Variants in TSPAN7 observed in about 807,000 individuals in gnomAD.
The protein encoded by TSPAN7 is tetraspanin-7.
In TSPAN7, 1 loss-of-function variant was observed where a neutral mutation model predicts 17.6. The observed-to-expected ratio is 0.06, with a 90% CI of 0.02 to 0.27. TSPAN7 has a LOEUF of 0.27. TSPAN7 is among the 10% of genes least tolerant of loss of function. TSPAN7 has a pLI of 1.00. For synonymous variants in TSPAN7, 78 were observed against 79.0 expected (o/e 0.99, Z 0.07); for missense variants, 112 against 201.7 (o/e 0.56, Z 2.69).
At chrX:38,573,266 C>T (rs969015239) in intron 1 of TSPAN7, among the ~76,000 whole-genome samples, 1 of 111,065 alleles carries the variant, frequency 9.0e-6, no homozygotes, top group Non-Finnish European at 1.9e-5. Context: ...TAGTTTGCTA[C>T]CAAAGAGAGC....
chrX:38,663,176 C>G (rs764833840), intron 1 of TSPAN7, among the ~76,000 whole-genome samples: 129 of 106,873 alleles, frequency 1.2e-3, no homozygotes, highest in African/African-American at 4.5e-3. Context: ...CACACACACA[C>G]ACACAGACAC....
chrX:38,567,534 TG>T (rs2069149560), intron 1 of TSPAN7, among the ~76,000 whole-genome samples: 4 of 112,238 alleles, frequency 3.6e-5, no homozygotes. Flanking sequence ...GAGATTTGAG[TG>T]GGGACACAGC....
At chrX:38,571,213 A>T (rs2069167963) in intron 1 of TSPAN7, among the ~76,000 whole-genome samples, 1 of 111,237 alleles carries the variant, frequency 9.0e-6, no homozygotes, top group African/African-American at 3.3e-5. Flanking sequence ...GGATGATGAG[A>T]TGAGTCAGAC....
In TSPAN7 at chrX:38,655,942, G is replaced by A. The variant is rs891676489; in HGVS notation, c.82-10179G>A. ...TTCAACATAATTATGAGAAAGAAGT[G>A]TGCCACTGTCAGATTGGCATTTATG... is the stretch of plus-strand genomic sequence containing the variant. On this transcript the variant is annotated intron_variant, in intron 1 of 7. Transcript: ENST00000378482. 4.4e-4 allele frequency: 136 copies of A among 307,289 alleles called. No homozygotes were observed. The Admixed American group carries it at 4.5e-3, about 10-fold the overall frequency. 25.3% of individuals were successfully genotyped at this position (307,289 alleles called of 1,213,427 possible).
chrX:38,637,662 C>T (rs888725863), intron 1 of TSPAN7, among the ~76,000 whole-genome samples: 1 of 112,091 alleles, frequency 8.9e-6, no homozygotes, highest in Non-Finnish European at 1.9e-5. Context: ...AGTTTGCCAA[C>T]GTGGATGGCT....
chrX:38,623,323 A>G (rs1379185463), intron 1 of TSPAN7, among the ~76,000 whole-genome samples: 27 of 111,523 alleles, frequency 2.4e-4, no homozygotes, highest in Non-Finnish European at 1.1e-4. Context: ...CTCAGCTTCC[A>G]TTCCTCCCAA....
At chrX:38,641,343 A>T (rs1394386168) in intron 1 of TSPAN7, among the ~76,000 whole-genome samples, 1 of 112,269 alleles carries the variant, frequency 8.9e-6, no homozygotes, top group African/African-American at 3.2e-5. Flanking sequence ...TCCCTTGGGA[A>T]GGCATGTATG....
At chrX:38,659,173 A>G (rs1038665958) in intron 1 of TSPAN7, among the ~76,000 whole-genome samples, 2 of 111,673 alleles carry the variant, frequency 1.8e-5, no homozygotes, top group African/African-American at 6.5e-5. Context: ...TAAAAAGTAA[A>G]GCTTTTGTTA....
At chrX:38,575,993 C>T (rs981433759) in intron 1 of TSPAN7, among the ~76,000 whole-genome samples, 2 of 112,135 alleles carry the variant, frequency 1.8e-5, no homozygotes, top group Non-Finnish European at 1.9e-5. Context: ...GGTAGGCAAA[C>T]GTTTTCTGTA....
At chrX:38,653,622 C>T (rs1338443705) in intron 1 of TSPAN7, among the ~76,000 whole-genome samples, 1 of 112,522 alleles carries the variant, frequency 8.9e-6, no homozygotes, top group Non-Finnish European at 1.9e-5. Flanking sequence ...TGATATTGAA[C>T]ATTTCTGGTT....
chrX:38,677,257 A>G (rs934128793), intron 5 of TSPAN7, among the ~76,000 whole-genome samples: 2 of 112,141 alleles, frequency 1.8e-5, no homozygotes, highest in Non-Finnish European at 3.8e-5. Flanking sequence ...GGATAATAAT[A>G]GTACATGTTC....
At chrX:38,670,960 A>C (rs2069817942) in intron 2 of TSPAN7, among the ~76,000 whole-genome samples, 1 of 112,209 alleles carries the variant, frequency 8.9e-6, no homozygotes, top group Non-Finnish European at 1.9e-5. Context: ...GACCGTCGTG[A>C]GGAAGTTGGT....
rs12007841 is a variant in TSPAN7, at chrX:38,625,062, C to T, written c.82-41059C>T. Among the ~76,000 whole-genome samples, 688 of 111,683 alleles carry T rather than the reference C, an allele frequency of 6.2e-3. 3 individuals are homozygous for T. The highest frequency in any genetic ancestry group is 0.021 in the African/African-American group (660 of 30,758). On this transcript the variant is annotated intron_variant, in intron 1 of 7. Transcript: ENST00000378482. ...GATATAAAGATGAAAAATAGTTCCCCCTTGCCTGTAAACAGTATACTTTTC... is the reference window on the plus strand; with the variant it reads ...GATATAAAGATGAAAAATAGTTCCCTCTTGCCTGTAAACAGTATACTTTTC...
chrX:38,652,703 C>G (rs758821551), intron 1 of TSPAN7, among the ~76,000 whole-genome samples: 1 of 112,304 alleles, frequency 8.9e-6, no homozygotes, highest in South Asian at 3.7e-4. Context: ...ACGGGAGGCC[C>G]GTCCCAGGAA....
chrX:38,684,336 C>T (rs981111003), intron 6 of TSPAN7, among the ~76,000 whole-genome samples: 2 of 110,161 alleles, frequency 1.8e-5, no homozygotes, highest in South Asian at 7.6e-4. Context: ...TACCTTTGCC[C>T]TCTCAAGGTA....
At chrX:38,654,936 T>G (rs1176552996) in intron 1 of TSPAN7, among the ~76,000 whole-genome samples, 1 of 111,779 alleles carries the variant, frequency 8.9e-6, no homozygotes, top group Non-Finnish European at 1.9e-5. Context: ...TGAGAGATCT[T>G]GGAATTCCAG....
chrX:38,583,317 C>T (rs918056134), intron 1 of TSPAN7, among the ~76,000 whole-genome samples: 1 of 112,212 alleles, frequency 8.9e-6, no homozygotes, highest in East Asian at 2.8e-4. Flanking sequence ...ACACGCTCTC[C>T]CTGCCACTCT....
chrX:38,598,218 A>G (rs2069328226), intron 1 of TSPAN7, among the ~76,000 whole-genome samples: 1 of 111,498 alleles, frequency 9.0e-6, no homozygotes, highest in African/African-American at 3.3e-5. Flanking sequence ...TCTTACCCAT[A>G]GCCCACTCTC....
Position 38,652,598 on chromosome X carries a change from C to T in TSPAN7, c.82-13523C>T, listed in dbSNP as rs767763252. Among the ~76,000 whole-genome samples, 71 of 112,535 alleles carry T rather than the reference C, an allele frequency of 6.3e-4. 1 individual carries two copies. The highest frequency in any genetic ancestry group is 2.2e-3 in the African/African-American group (67 of 31,003). On this transcript the variant is annotated intron_variant, in intron 1 of 7. Transcript: ENST00000378482. ...CAAGCCACCAGGTATAACATGGTTT[C>T]TCAAAGAAAATACATTTTGAGTTTC... is the stretch of plus-strand genomic sequence containing the variant.
Sources: allele counts gnomAD v4.1 joint callset (sites outside exome capture counted in the v4.1 genomes callset), GRCh38; gene constraint gnomAD v4.1.1; transcripts MANE v1.5; gene names NCBI Gene and HGNC (gene_info 2026-07-23, HGNC 2026-07-21).